The following TNIK variants were observed in gnomAD, a reference collection of about 807,000 sequenced individuals.
TNIK encodes TRAF2 and NCK interacting kinase, also known as TRAF2 and NCK-interacting protein kinase.
A neutral mutation model predicts 191.3 loss-of-function variants in TNIK; 49 were observed. That is an observed-to-expected ratio of 0.26 (90% CI 0.20 to 0.32). TNIK has a LOEUF of 0.32. TNIK is among the 10% of genes least tolerant of loss of function. The probability of loss-of-function intolerance (pLI) is 1.00; values close to 1 mark genes in which losing one functional copy is unlikely to be tolerated. For missense variants in TNIK, 1,155 were observed against 1,702.3 expected, an observed-to-expected ratio of 0.68 and a Z score of 5.66; for synonymous variants, 594 against 600.9, an observed-to-expected ratio of 0.99 and a Z score of 0.17.
In TNIK at chr3:171,366,322, TA is replaced by T. The variant is rs936422487; in HGVS notation, c.123+3297del. ...TTAGATGGGACTAAAATGCTAAAGA[TA>T]AACAAATCTAACCTTGCCCAAAACA... On this transcript the variant is annotated intron_variant, in intron 2 of 32. Transcript: ENST00000436636. The surrounding 1 kb of genome is among the most constrained non-coding windows in gnomAD (Gnocchi z 4.1). 6.6e-6 allele frequency among the ~76,000 whole-genome samples: 1 copy of T among 152,110 alleles called. No individual in the cohort carries two copies. Among genetic ancestry groups the T allele is most frequent in the African/African-American group, 2.4e-5 (1 of 41,434 alleles).
chr3:171,065,730 A>T (rs1333841296), intron 32 of TNIK, among the ~76,000 whole-genome samples: 3 of 151,772 alleles, frequency 2.0e-5, no homozygotes, highest in Non-Finnish European at 4.4e-5. Flanking sequence ...TCCTTAAGGA[A>T]TGGGTGACAT....
intron 2 of TNIK, among the ~76,000 whole-genome samples, chr3:171,289,015 C>T (rs546003251): frequency 1.3e-5 from 2 of 152,122 alleles, no homozygotes; most frequent in Non-Finnish European, 2.9e-5. Context: ...AATTGTTCAA[C>T]TGATCCAATA....
At chr3:171,321,613 C>T (rs1224437818) in intron 2 of TNIK, among the ~76,000 whole-genome samples, 1 of 152,176 alleles carries the variant, frequency 6.6e-6, no homozygotes, top group Non-Finnish European at 1.5e-5. Flanking sequence ...CAACCCAAGC[C>T]ATTTCTGAAA....
At chr3:171,337,064 A>G (rs527876419) in intron 2 of TNIK, among the ~76,000 whole-genome samples, 33 of 152,314 alleles carry the variant, frequency 2.2e-4, no homozygotes, top group Non-Finnish European at 4.6e-4. Flanking sequence ...AGGATAATGA[A>G]GTACCTACTG....
intron 3 of TNIK, among the ~76,000 whole-genome samples, chr3:171,212,519 C>T (rs1057075814): frequency 6.6e-6 from 1 of 152,148 alleles, no homozygotes; most frequent in African/African-American, 2.4e-5. Context: ...TCTACAGTTC[C>T]TTCCCCAGCA....
At chr3:171,387,470 C>A (rs930120123) in intron 1 of TNIK, among the ~76,000 whole-genome samples, 3 of 152,324 alleles carry the variant, frequency 2.0e-5, no homozygotes, top group East Asian at 1.9e-4. Flanking sequence ...TCGGCTCTTA[C>A]ATCTTCCACA....
At chr3:171,327,108 C>A (rs1414966747) in intron 2 of TNIK, among the ~76,000 whole-genome samples, 3 of 152,154 alleles carry the variant, frequency 2.0e-5, no homozygotes, top group African/African-American at 7.2e-5. Flanking sequence ...AAAATGATTT[C>A]TGGGACAATT....
chr3:171,379,471 T>C (rs1472728474), intron 1 of TNIK, among the ~76,000 whole-genome samples: 1 of 152,206 alleles, frequency 6.6e-6, no homozygotes, highest in African/African-American at 2.4e-5. Context: ...TCATGCTTCT[T>C]GACCTGAAAT....
In TNIK at chr3:171,282,334, G is replaced by GGTTTTT. The variant is rs1553878294; in HGVS notation, c.124-54114_124-54113insAAAAAC. 8.9e-4 allele frequency among the ~76,000 whole-genome samples: 102 copies of GGTTTTT among 114,508 alleles called. 1 individual carries two copies. The highest frequency in any genetic ancestry group is 3.3e-3 in the African/African-American group (96 of 28,874). The allele number at this position is 114,508 out of a possible 152,430, so 75.1% of individuals were successfully genotyped here. On this transcript the variant is annotated intron_variant, in intron 2 of 32. Transcript: ENST00000436636. ...GAACTATCTGCAGATTCTCTTAATG[G>GGTTTTT]TTTTTTGTTTTTTTTTTTTTTTTTG...
At chr3:171,368,547 C>G (rs1005922275) in intron 2 of TNIK, among the ~76,000 whole-genome samples, 2 of 152,118 alleles carry the variant, frequency 1.3e-5, no homozygotes, top group Non-Finnish European at 2.9e-5. Flanking sequence ...AGGAAATAAT[C>G]GTTTCTTGCA....
intron 15 of TNIK, 134 bp downstream of exon 15, chr3:171,138,057 A>G: frequency 1.3e-6 from 1 of 772,954 alleles, no homozygotes; most frequent in Non-Finnish European, 1.8e-6. Context: ...TAGTTCTTGC[A>G]AAAGCAAAGC....
At chr3:171,290,740 C>T (rs938816310) in intron 2 of TNIK, among the ~76,000 whole-genome samples, 4 of 152,142 alleles carry the variant, frequency 2.6e-5, no homozygotes, top group African/African-American at 9.7e-5. Flanking sequence ...ACCATAATGA[C>T]TGAATGTACA....
intron 9 of TNIK, among the ~76,000 whole-genome samples, chr3:171,173,498 G>C (rs1489733247): frequency 2.6e-5 from 4 of 151,874 alleles, no homozygotes; most frequent in Non-Finnish European, 5.9e-5. Flanking sequence ...TGGAGGAGAA[G>C]GACAATCACT....
At chr3:171,334,643 G>GTTAATTAACTA (rs1756764191) in intron 2 of TNIK, among the ~76,000 whole-genome samples, 7 of 152,022 alleles carry the variant, frequency 4.6e-5, no homozygotes, top group Non-Finnish European at 1.0e-4. Flanking sequence ...ACTAACCTCA[G>GTTAATTAACTA]GCTGTGCCAA....
intron 2 of TNIK, among the ~76,000 whole-genome samples, chr3:171,277,150 C>A (rs952087773): frequency 6.6e-6 from 1 of 152,150 alleles, no homozygotes; most frequent in Non-Finnish European, 1.5e-5. Context: ...TCTCATCCCA[C>A]GTGGTGCCTT....
intron 1 of TNIK, among the ~76,000 whole-genome samples, chr3:171,404,862 T>C (rs941367635): frequency 1.1e-4 from 17 of 152,238 alleles, no homozygotes; most frequent in Non-Finnish European, 1.5e-4. Flanking sequence ...ATGTTTACTC[T>C]AGACAGTATT....
intron 1 of TNIK, among the ~76,000 whole-genome samples, chr3:171,431,333 T>G (rs868606908): frequency 6.6e-6 from 1 of 152,118 alleles, no homozygotes; most frequent in South Asian, 2.1e-4. Context: ...TTTTATATAT[T>G]TAGCGTCTTT....
intron 3 of TNIK, among the ~76,000 whole-genome samples, chr3:171,215,869 A>G (rs953592624): frequency 2.0e-5 from 3 of 152,202 alleles, no homozygotes; most frequent in Non-Finnish European, 2.9e-5. Context: ...TTAACTCTCA[A>G]TCCGTGGCAG....
chr3:171,194,735 A>G (rs1432578351), intron 4 of TNIK, 100 bp from the exon 5 acceptor site: 3 of 957,214 alleles, frequency 3.1e-6, no homozygotes, highest in Non-Finnish European at 3.2e-6. Flanking sequence ...TTGGAATGCC[A>G]TTCCTGCAAA....
Sources: allele counts gnomAD v4.1 joint callset (sites outside exome capture counted in the v4.1 genomes callset), GRCh38; gene constraint gnomAD v4.1.1; non-coding constraint Gnocchi (gnomAD v3.1); transcripts MANE v1.5; gene names NCBI Gene and HGNC (gene_info 2026-07-23, HGNC 2026-07-21).